COL18A1: variants seen among roughly 807,000 people sequenced by gnomAD.
COL18A1 encodes the protein collagen alpha-1(XVIII) chain.
In COL18A1, 133 loss-of-function variants were observed where a neutral mutation model predicts 168.0. The observed-to-expected ratio is 0.79, with a 90% CI of 0.69 to 0.91. The LOEUF is 0.91. Among genes scored for constraint, COL18A1 ranks in the 40% least tolerant of loss-of-function variants. The pLI, the probability that COL18A1 is intolerant of heterozygous loss-of-function variation, is 0.00. For synonymous variants in COL18A1, 949 were observed against 809.0 expected (o/e 1.17, Z -2.94); for missense variants, 2,126 against 1,925.4 (o/e 1.10, Z -1.95).
chr21:45,498,644 G>C lies in COL18A1; in HGVS notation c.2683+983G>C. On this transcript the variant is annotated intron_variant, in intron 32 of 41. Coordinates refer to ENST00000651438, the MANE Select transcript of COL18A1 (RefSeq NM_001379500.1). This position sits in a 1 kb window ranked among gnomAD's most constrained non-coding sequence, Gnocchi z 4.5. ...AGGCAAAGGCAGGCAGAAAGCAAGCGGGAAGATGGAAGATGTGCCCATGCC... is the reference window on the plus strand; with the variant it reads ...AGGCAAAGGCAGGCAGAAAGCAAGCCGGAAGATGGAAGATGTGCCCATGCC... 1.4e-6 allele frequency: 1 copy of C among 699,410 alleles called. No individual in the cohort carries two copies. The highest frequency in any genetic ancestry group is 2.7e-6 in the Non-Finnish European group (1 of 373,372). 43.3% of individuals were successfully genotyped at this position (699,410 alleles called of 1,614,324 possible). A position where few individuals can be genotyped will look rare whatever the true frequency, so the allele number is the denominator to read the frequency against.
chr21:45,493,949 G>T, intron 26 of COL18A1: 1 of 307,552 alleles, frequency 3.3e-6, no homozygotes. Context: ...CTTCCTGGGG[G>T]CCCTGATGCT....
chr21:45,504,068 C>T lies in COL18A1; in HGVS notation c.2727+14C>T, dbSNP rs921277069. The T allele has an allele frequency of 6.2e-7, 1 of 1,613,428 alleles. No homozygotes were observed. On this transcript the variant is annotated intron_variant, in intron 33 of 41. Coordinates refer to ENST00000651438, the MANE Select transcript of COL18A1 (RefSeq NM_001379500.1). Reference sequence around the variant, plus strand: ...GCTGAAATGAAGGTGGGTGACCTCCCTGTGGGGTTGGGGGCCCCCAAGGTC... The same window carrying T: ...GCTGAAATGAAGGTGGGTGACCTCCTTGTGGGGTTGGGGGCCCCCAAGGTC...
At chr21:45,410,951 G>A (rs1033078523) in intron 2 of COL18A1, among the ~76,000 whole-genome samples, 5 of 151,952 alleles carry the variant, frequency 3.3e-5, no homozygotes, top group Non-Finnish European at 5.9e-5. Context: ...GGGCAGGCCC[G>A]AGTCCACACA....
rs145498963 is a variant in COL18A1 at position 45,421,510 on chromosome 21, C to T, written c.106+16037C>T. The T allele has an allele frequency of 8.4e-5, 45 of 534,634 alleles. No individual in the cohort carries two copies. The Middle Eastern group carries it at 9.5e-4, about 11-fold the overall frequency. 33.1% of individuals were successfully genotyped at this position (534,634 alleles called of 1,614,324 possible). A position where few individuals can be genotyped will look rare whatever the true frequency, so the allele number is the denominator to read the frequency against. ...GTTTCTGGCTGTGCAAGGCTCCACG[C>T]GGGTCAGCAGCCCATCCTGGCTTGT... On this transcript the variant is annotated intron_variant, in intron 2 of 41. Transcript: ENST00000651438.
chr21:45,497,492 C>T (rs1484228886), intron 31 of COL18A1, 107 bp from the exon 32 acceptor site: 1 of 1,414,476 alleles, frequency 7.1e-7, no homozygotes, highest in Non-Finnish European at 9.7e-7. Flanking sequence ...CATCTGATGC[C>T]CCCCCATCCA....
chr21:45,490,814 C>T, intron 20 of COL18A1, 22 bp from the exon 21 acceptor site: 6 of 1,549,808 alleles, frequency 3.9e-6, no homozygotes, highest in South Asian at 1.2e-5. Context: ...GGTGATGAAC[C>T]ATTTCCTTCC....
intron 2 of COL18A1, among the ~76,000 whole-genome samples, chr21:45,459,984 G>A (rs909695127): frequency 1.3e-5 from 2 of 151,194 alleles, no homozygotes; most frequent in African/African-American, 4.9e-5. Context: ...GGGACCGGAG[G>A]CAGGTGATGT....
At chr21:45,455,194 A>G (rs1039833360) in intron 2 of COL18A1, among the ~76,000 whole-genome samples, 1 of 152,234 alleles carries the variant, frequency 6.6e-6, no homozygotes, top group Non-Finnish European at 1.5e-5. Context: ...GCCCCAATCC[A>G]GAGACTCAGC....
intron 2 of COL18A1, among the ~76,000 whole-genome samples, chr21:45,411,771 GGGGGGCA>G (rs2033301307): frequency 7.3e-6 from 1 of 136,444 alleles, no homozygotes; most frequent in African/African-American, 2.6e-5. Context: ...GGGGGTGGGG[GGGGGGCA>G]GGCTGTGGTC....
chr21:45,464,167 A>G (rs112907622), intron 2 of COL18A1, among the ~76,000 whole-genome samples: 4,435 of 152,186 alleles, frequency 0.029, 228 homozygotes, highest in African/African-American at 0.1. Flanking sequence ...CCTCGGGAGT[A>G]GCACAGTGCC....
At chr21:45,456,891 C>T (rs913751276) in intron 2 of COL18A1, 16 of 1,427,232 alleles carry the variant, frequency 1.1e-5, no homozygotes, top group African/African-American at 4.5e-5. Flanking sequence ...GGTAACTGGC[C>T]GGCCCCGATC....
chr21:45,467,449 G>A, intron 2 of COL18A1: 1 of 985,144 alleles, frequency 1.0e-6, no homozygotes, highest in Non-Finnish European at 1.2e-6. Flanking sequence ...CCCCTCCAAG[G>A]GGTGATTGTG....
At chr21:45,478,536 T>TA (rs2035765237) in intron 9 of COL18A1, among the ~76,000 whole-genome samples, 183 bp downstream of exon 9, 1 of 152,154 alleles carries the variant, frequency 6.6e-6, no homozygotes, top group African/African-American at 2.4e-5. Flanking sequence ...AAATAGCAGT[T>TA]ATGCATTTGT....
intron 2 of COL18A1, among the ~76,000 whole-genome samples, chr21:45,411,845 A>G (rs1240652974): frequency 1.3e-5 from 2 of 150,994 alleles, no homozygotes. Flanking sequence ...TCATTTACAC[A>G]CAGCTCTGCG....
At chr21:45,493,018 G>C in intron 24 of COL18A1, 145 bp from the exon 25 acceptor site, 4 of 849,234 alleles carry the variant, frequency 4.7e-6, no homozygotes, top group South Asian at 4.5e-5. Flanking sequence ...GCAGTGTCCA[G>C]AGTGAGGCTG....
At chr21:45,433,959 AG>A (rs1216011119) in intron 2 of COL18A1, among the ~76,000 whole-genome samples, 4 of 151,174 alleles carry the variant, frequency 2.6e-5, no homozygotes, top group Non-Finnish European at 5.9e-5. Context: ...AGAGACCATC[AG>A]GGGCGGAGGG....
In COL18A1 at chr21:45,509,452, T is replaced by G; in HGVS notation, c.3346T>G (p.Trp1116Gly). 22 of 1,532,848 alleles carry G rather than the reference T, an allele frequency of 1.4e-5. No homozygotes were observed. Among genetic ancestry groups the G allele is most frequent in the Non-Finnish European group, 1.9e-5 (22 of 1,141,578 alleles). 95.0% of individuals were successfully genotyped at this position (1,532,848 alleles called of 1,614,324 possible). ...GCACCCCCACCCCACCGCGCGGCCC[T>G]GGCGGGCAGATGACATCCTGGCCAG... ...REHPHPTARPWRADDILASPP... is the reference protein window; with the variant it reads ...REHPHPTARPGRADDILASPP... The change falls in exon 39 of 42, where the codon TGG (tryptophan) becomes GGG (glycine). Residue 1116 changes from tryptophan (W) to glycine (G), a missense_variant. Transcript: ENST00000651438.
At chr21:45,441,729 A>G (rs1286045658) in intron 2 of COL18A1, among the ~76,000 whole-genome samples, 1 of 152,214 alleles carries the variant, frequency 6.6e-6, no homozygotes, top group Non-Finnish European at 1.5e-5. Flanking sequence ...AGCTTATGGC[A>G]TGGCGCCGGG....
At chr21:45,456,960 G>A in intron 2 of COL18A1, 1 of 1,165,932 alleles carries the variant, frequency 8.6e-7, no homozygotes, top group Non-Finnish European at 1.1e-6. Context: ...ACGTGAGCCT[G>A]GTACAGGTTC....
Sources: gnomAD v4.1 joint callset for allele counts (sites outside exome capture counted in the v4.1 genomes callset) on GRCh38, gnomAD v4.1.1 for gene constraint, Gnocchi (gnomAD v3.1) non-coding constraint, MANE v1.5 for transcripts, NCBI Gene and HGNC (gene_info 2026-07-23, HGNC 2026-07-21) for gene names.